Variants in LCOR observed in about 807,000 individuals in gnomAD.
LCOR encodes the protein ligand dependent nuclear receptor corepressor.
In LCOR, 14 loss-of-function variants were observed where a neutral mutation model predicts 64.4. The ratio of observed to expected loss-of-function variants is 0.22; its 90% confidence interval spans 0.14 to 0.34. The LOEUF is 0.34. Among genes scored for constraint, LCOR ranks in the 10% least tolerant of loss-of-function variants. The pLI, the probability that LCOR is intolerant of heterozygous loss-of-function variation, is 1.00. For missense variants in LCOR, 1,686 were observed against 1,765.3 expected, an observed-to-expected ratio of 0.96 and a Z score of 0.80; for synonymous variants, 643 against 642.5, an observed-to-expected ratio of 1.00 and a Z score of -0.01.
At chr10:96,954,186 G>A (rs1179438991) in intron 7 of LCOR, among the ~76,000 whole-genome samples, 1 of 152,048 alleles carries the variant, frequency 6.6e-6, no homozygotes, top group Non-Finnish European at 1.5e-5. Context: ...TTTCTTTTAA[G>A]CTTGGATTAT....
chr10:96,945,693 A>G (rs1278571561), intron 5 of LCOR, among the ~76,000 whole-genome samples: 1 of 152,156 alleles, frequency 6.6e-6, no homozygotes, highest in East Asian at 1.9e-4. Flanking sequence ...CTCCTGAAGG[A>G]TGTACACAGA....
intron 2 of LCOR, among the ~76,000 whole-genome samples, chr10:96,835,367 A>G (rs1845424978): frequency 6.6e-6 from 1 of 152,234 alleles, no homozygotes; most frequent in African/African-American, 2.4e-5. Flanking sequence ...AGTAAAGTTC[A>G]GAAGATTATA....
rs1008344756 is a variant in LCOR, at chr10:96,957,713, A to G, written c.332+5517A>G. The G allele has an allele frequency of 2.7e-5, 27 of 985,260 alleles. No individual in the cohort carries two copies. In the African/African-American group the frequency reaches 4.5e-4, roughly 17 times the overall value. The allele number at this position is 985,260 out of a possible 1,614,324, so 61.0% of individuals were successfully genotyped here. ...TTGGAGCAATTAATTAAATTAGGTT[A>G]AGTTTTCCCTCAGCAACCTGTGTGT... On this transcript the variant is annotated intron_variant, in intron 7 of 7. Transcript: ENST00000421806.
Position 96,982,645 on chromosome 10 carries a change from A to C in LCOR, c.2185A>C (p.Ile729Leu). The change falls in exon 8 of 8, where the codon ATC (isoleucine) becomes CTC (leucine). Residue 729 changes from isoleucine to leucine, a missense_variant. Ile to Leu is a conservative substitution (Grantham distance 5). Coordinates refer to ENST00000421806, the MANE Select transcript of LCOR (RefSeq NM_001346516.2). The part of the protein sequence containing the change: ...SLGKAEDNQS[I>L]SAEVESGDTQ... ...GGGAAAGGCTGAGGACAACCAAAGC[A>C]TCAGTGCTGAGGTTGAGTCTGGAGA... 1.9e-6 allele frequency: 3 copies of C among 1,614,206 alleles called. No individual in the cohort carries two copies. Among genetic ancestry groups the C allele is most frequent in the Non-Finnish European group, 2.5e-6 (3 of 1,180,038 alleles).
In LCOR at chr10:96,984,175, T is replaced by A; in HGVS notation, c.3715T>A (p.Leu1239Met). ...ACAGGCTGAGCGCTTGAAAAAGCAC[T>A]TGAAGAAATTTCCTGGAGCTACCCC... ...SLQAERLKKH[L>M]KKFPGATPAK... Residue 1239 changes from leucine to methionine, a missense_variant, in exon 8 of 8, where the codon TTG becomes ATG. Coordinates refer to ENST00000421806, the MANE Select transcript of LCOR (RefSeq NM_001346516.2). The A allele has an allele frequency of 1.2e-6, 2 of 1,614,100 alleles. No individual in the cohort carries two copies. Among genetic ancestry groups the A allele is most frequent in the East Asian group, 4.5e-5 (2 of 44,884 alleles).
At chr10:96,835,412 C>T (rs1845425866) in intron 2 of LCOR, among the ~76,000 whole-genome samples, 1 of 152,114 alleles carries the variant, frequency 6.6e-6, no homozygotes, top group Non-Finnish European at 1.5e-5. Flanking sequence ...TTAATCTGAG[C>T]AGTAACATAT....
chr10:96,908,652 CT>C (rs370170387), intron 4 of LCOR, among the ~76,000 whole-genome samples: 10 of 147,272 alleles, frequency 6.8e-5, no homozygotes, highest in Admixed American at 6.8e-5. Flanking sequence ...TGGTTTACTA[CT>C]TTTTTTTTTC....
At chr10:96,896,673 C>T (rs1846542887) in intron 2 of LCOR, among the ~76,000 whole-genome samples, 1 of 152,072 alleles carries the variant, frequency 6.6e-6, no homozygotes, top group African/African-American at 2.4e-5. Context: ...ATCCACCCGC[C>T]CTGCCCTTCC....
intron 2 of LCOR, among the ~76,000 whole-genome samples, chr10:96,852,354 G>A (rs865930622): frequency 2.0e-5 from 3 of 152,144 alleles, no homozygotes; most frequent in Middle Eastern, 3.2e-3. Context: ...CCCAGGAGGC[G>A]GAGGTTGCAG....
chr10:96,977,756 C>T (rs933430034), intron 7 of LCOR, among the ~76,000 whole-genome samples: 7 of 152,224 alleles, frequency 4.6e-5, no homozygotes, highest in Non-Finnish European at 7.4e-5. Context: ...CCTGCAGCCT[C>T]GACCCCCTTG....
intron 4 of LCOR, among the ~76,000 whole-genome samples, chr10:96,932,146 C>CTAA (rs1180963767): frequency 1.3e-5 from 2 of 151,982 alleles, no homozygotes; most frequent in Non-Finnish European, 2.9e-5. Flanking sequence ...TTCCTAAATG[C>CTAA]TAAGACTTAT....
At chr10:96,859,811 T>G (rs7911787) in intron 2 of LCOR, among the ~76,000 whole-genome samples, 11,366 of 152,222 alleles carry the variant, frequency 0.075, 488 homozygotes, top group East Asian at 0.18. Flanking sequence ...CACTCTTGGC[T>G]TCCGAAAGTG....
intron 2 of LCOR, among the ~76,000 whole-genome samples, chr10:96,844,897 AG>A (rs1449019653): frequency 6.6e-6 from 1 of 152,156 alleles, no homozygotes; most frequent in Non-Finnish European, 1.5e-5. Context: ...AGAGACCTCA[AG>A]GAAGTGTGGG....
At chr10:96,919,008 A>G (rs1564625518) in intron 4 of LCOR, among the ~76,000 whole-genome samples, 1 of 152,200 alleles carries the variant, frequency 6.6e-6, no homozygotes, top group African/African-American at 2.4e-5. Context: ...AGTATAAAAA[A>G]CTACTGAAGT....
rs183736670 is a variant in LCOR, at chr10:96,921,564, C to T, written c.-184+13817C>T. ...ACAACCTCCGCATCCTGGATCCAAG[C>T]GATTCTTGTGCTTCAGCCATAAGAG... On this transcript the variant is annotated intron_variant, in intron 4 of 7. Coordinates refer to ENST00000421806, the MANE Select transcript of LCOR (RefSeq NM_001346516.2). Among the ~76,000 whole-genome samples, 17 of 152,260 alleles carry T rather than the reference C, an allele frequency of 1.1e-4. No individual in the cohort carries two copies. In the East Asian group the frequency reaches 2.3e-3, roughly 21 times the overall value.
intron 4 of LCOR, among the ~76,000 whole-genome samples, chr10:96,935,572 C>T (rs937935419): frequency 2.6e-5 from 4 of 152,160 alleles, no homozygotes; most frequent in Admixed American, 6.5e-5. Flanking sequence ...TGGTGGCTCT[C>T]GCCTGTAATC....
chr10:96,851,574 C>T (rs1845722282), intron 2 of LCOR, among the ~76,000 whole-genome samples: 1 of 152,176 alleles, frequency 6.6e-6, no homozygotes, highest in African/African-American at 2.4e-5. Flanking sequence ...GAAATCATGT[C>T]AGTTTATGAA....
At chr10:96,860,881 G>A (rs759012340) in intron 2 of LCOR, among the ~76,000 whole-genome samples, 2 of 152,128 alleles carry the variant, frequency 1.3e-5, no homozygotes, top group Admixed American at 1.3e-4. Context: ...AAAGTGAAAC[G>A]CCTACAGTAA....
At chr10:96,882,953 C>T (rs1846286773) in intron 2 of LCOR, among the ~76,000 whole-genome samples, 1 of 152,092 alleles carries the variant, frequency 6.6e-6, no homozygotes, top group Non-Finnish European at 1.5e-5. Context: ...ATCGTTTATC[C>T]ATTCACTTAC....
Sources: gnomAD v4.1 joint callset for allele counts (sites outside exome capture counted in the v4.1 genomes callset) on GRCh38, gnomAD v4.1.1 for gene constraint, MANE v1.5 for transcripts, NCBI Gene and HGNC (gene_info 2026-07-23, HGNC 2026-07-21) for gene names.